Variants in ARHGEF2 observed in about 807,000 individuals in gnomAD.
The protein encoded by ARHGEF2 is Rho/Rac guanine nucleotide exchange factor 2, also known as rho guanine nucleotide exchange factor 2.
In ARHGEF2, 22 loss-of-function variants were observed where a neutral mutation model predicts 121.0. That is an observed-to-expected ratio of 0.18 (90% CI 0.13 to 0.26). The LOEUF is 0.26. Among genes scored for constraint, ARHGEF2 ranks in the 10% least tolerant of loss-of-function variants. The pLI, the probability that ARHGEF2 is intolerant of heterozygous loss-of-function variation, is 1.00. For missense variants in ARHGEF2, 907 were observed against 1,336.0 expected (o/e 0.68, Z 5.01); for synonymous variants, 487 against 530.0 (o/e 0.92, Z 1.11).
intron 1 of ARHGEF2, chr1:155,971,091 C>T: frequency 1.0e-6 from 1 of 986,196 alleles, no homozygotes; most frequent in Non-Finnish European, 1.2e-6. Context: ...TCCTCCCCTC[C>T]TCCTCACGCA....
At chr1:155,964,157 AAAAAAAAAAAATATATATAT>A (rs1678631363) in intron 7 of ARHGEF2, among the ~76,000 whole-genome samples, 1 of 74,882 alleles carries the variant, frequency 1.3e-5, no homozygotes, top group Non-Finnish European at 2.3e-5. Context: ...AAAAAAAAAA[AAAAAAAAAAAATATATATAT>A]ATATATATAT....
At position 155,962,900 on chromosome 1, in the gene ARHGEF2, T is replaced by G; in HGVS notation, c.975+33A>C. On this transcript the variant is annotated intron_variant, in intron 8 of 21. Coordinates refer to ENST00000361247, the MANE Select transcript of ARHGEF2 (RefSeq NM_001162383.2). The surrounding 1 kb of genome is among the most constrained non-coding windows in gnomAD (Gnocchi z 5.8). ...CCCAACCCAGTCACACCTCCTTCCA[T>G]GAATGTCACCCAGGGGTCCTGCCTT... is the stretch of plus-strand genomic sequence containing the variant. The G allele has an allele frequency of 1.9e-6, 3 of 1,612,542 alleles. No individual in the cohort carries two copies. The highest frequency in any genetic ancestry group is 1.1e-5 in the South Asian group (1 of 90,998).
chr1:155,963,558 C>T (rs1321606709), intron 7 of ARHGEF2, among the ~76,000 whole-genome samples: 3 of 151,658 alleles, frequency 2.0e-5, no homozygotes, highest in Non-Finnish European at 2.9e-5. Flanking sequence ...ATTGGTCAGG[C>T]TGGTCTCGAA....
intron 1 of ARHGEF2, among the ~76,000 whole-genome samples, chr1:155,976,745 A>T (rs1681369164): frequency 6.6e-6 from 1 of 150,576 alleles, no homozygotes; most frequent in Non-Finnish European, 1.5e-5. Flanking sequence ...CCAGGGTCTC[A>T]GCTCAAACGG....
intron 1 of ARHGEF2, chr1:155,972,432 T>G (rs1048777282): frequency 1.3e-5 from 5 of 385,708 alleles, no homozygotes; most frequent in South Asian, 9.0e-5. Flanking sequence ...TGGAAGGACA[T>G]AGGGCCTGCT....
In ARHGEF2 at chr1:155,951,608, G is replaced by C; in HGVS notation, c.2209-75C>G. 6.2e-7 allele frequency: 1 copy of C among 1,608,982 alleles called. No homozygotes were observed. On this transcript the variant is annotated intron_variant, in intron 18 of 21. Coordinates refer to ENST00000361247, the MANE Select transcript of ARHGEF2 (RefSeq NM_001162383.2). This position sits in a 1 kb window ranked among gnomAD's most constrained non-coding sequence, Gnocchi z 5.1. ...CTGCCCAAAAGTTGAACAAGGGTGG[G>C]TGTGGGGACAGTAGGATCCGGAGAC...
intron 7 of ARHGEF2, among the ~76,000 whole-genome samples, chr1:155,964,161 AAAAAAAATATATATAT>A (rs1406351417): frequency 3.7e-3 from 211 of 57,116 alleles, no homozygotes; most frequent in African/African-American, 0.015. Context: ...AAAAAAAAAA[AAAAAAAATATATATAT>A]ATATATATAT....
At chr1:155,966,712 G>A in intron 3 of ARHGEF2, 108 bp downstream of exon 3, 1 of 1,289,402 alleles carries the variant, frequency 7.8e-7, no homozygotes, top group South Asian at 1.2e-5. Flanking sequence ...CCCTTGGTGA[G>A]GAGGTGGGTG....
chr1:155,954,282 CT>C (rs544870775), intron 14 of ARHGEF2, among the ~76,000 whole-genome samples: 111 of 108,506 alleles, frequency 1.0e-3, no homozygotes, highest in African/African-American at 2.1e-3. Flanking sequence ...CAATCTACTT[CT>C]TTTTTTTTTT....
In ARHGEF2 at chr1:155,965,382, C is replaced by T. The variant is rs1481844676; in HGVS notation, c.501G>A (p.Leu167=). The T allele has an allele frequency of 1.9e-6, 3 of 1,614,222 alleles. No homozygotes were observed. The South Asian group carries it at 3.3e-5, about 18-fold the overall frequency. The part of the protein sequence containing the change: ...GHFNDESPLG[L]RRILSQSTDS... ...CTGTGGACTGTGAGAGGATCCGGCG[C>T]AGCCCCAGGGGAGACTCATCATTGA... is the stretch of plus-strand genomic sequence containing the variant. Residue 167 remains leucine, a synonymous_variant, in exon 6 of 22, where the codon CTG becomes CTA. Transcript: ENST00000361247. This position sits in a 1 kb window ranked among gnomAD's most constrained non-coding sequence, Gnocchi z 6.0.
chr1:155,969,643 T>C, intron 1 of ARHGEF2: 1 of 1,130,520 alleles, frequency 8.8e-7, no homozygotes, highest in Non-Finnish European at 1.1e-6. Flanking sequence ...CCCGAGCTGC[T>C]GTACTCTCTT....
In ARHGEF2 at chr1:155,965,427, G is replaced by A. The variant is rs1479216351; in HGVS notation, c.471-15C>T. On this transcript the variant is annotated splice_polypyrimidine_tract_variant and intron_variant, in intron 5 of 21. Transcript: ENST00000361247. The surrounding 1 kb of genome is among the most constrained non-coding windows in gnomAD (Gnocchi z 6.0). ...CATTGAAATGTCTGAAGAAAGTGGA[G>A]GCTGTCTGCATCACCCCCAGTCGGG... The A allele has an allele frequency of 1.9e-6, 3 of 1,612,156 alleles. No homozygotes were observed. Among genetic ancestry groups the A allele is most frequent in the Non-Finnish European group, 8.5e-7 (1 of 1,178,334 alleles).
At chr1:155,973,104 A>G (rs1043981297) in intron 1 of ARHGEF2, among the ~76,000 whole-genome samples, 1 of 152,160 alleles carries the variant, frequency 6.6e-6, no homozygotes, top group Non-Finnish European at 1.5e-5. Context: ...AATAAAGAAT[A>G]TGAAAGCCCT....
rs1419113746 is a variant in ARHGEF2, at chr1:155,961,222, T to C, written c.1468+439A>G. On this transcript the variant is annotated intron_variant, in intron 11 of 21. Coordinates refer to ENST00000361247, the MANE Select transcript of ARHGEF2 (RefSeq NM_001162383.2). This position sits in a 1 kb window ranked among gnomAD's most constrained non-coding sequence, Gnocchi z 4.7. Reference sequence around the variant, plus strand: ...TTTTCTGCCACAGAGATCCTATTTTTCTCTCCCACTGAGTCTCACTGTTGT... The same window carrying C: ...TTTTCTGCCACAGAGATCCTATTTTCCTCTCCCACTGAGTCTCACTGTTGT... 2.0e-5 allele frequency among the ~76,000 whole-genome samples: 3 copies of C among 152,120 alleles called. No homozygotes were observed. Among genetic ancestry groups the C allele is most frequent in the African/African-American group, 7.2e-5 (3 of 41,404 alleles).
In ARHGEF2 at chr1:155,961,788, G is replaced by T; in HGVS notation, c.1341C>A (p.Asn447Lys). Reference sequence around the variant, plus strand: ...GGGTTTGGGCCCGAGGGTCCATGCGGTTGTAGATCTCCTGCAGACGGGCCC... The same window carrying T: ...GGGTTTGGGCCCGAGGGTCCATGCGTTTGTAGATCTCCTGCAGACGGGCCC... Reference protein sequence around the residue: ...EKGARLQEIYNRMDPRAQTPV... With the variant: ...EKGARLQEIYKRMDPRAQTPV... The change falls in exon 11 of 22, where the codon AAC becomes AAA. Residue 447 changes from asparagine (N) to lysine (K), a missense_variant. Asn to Lys is a moderately conservative substitution (Grantham distance 94). This residue lies in a region of ARHGEF2 where 475 missense variants were observed against 776.5 expected (regional missense o/e 0.61). Coordinates refer to ENST00000361247, the MANE Select transcript of ARHGEF2 (RefSeq NM_001162383.2). This position sits in a 1 kb window ranked among gnomAD's most constrained non-coding sequence, Gnocchi z 4.7. The T allele has an allele frequency of 6.2e-7, 1 of 1,614,218 alleles. No homozygotes were observed. The highest frequency in any genetic ancestry group is 8.5e-7 in the Non-Finnish European group (1 of 1,180,040).
At chr1:155,978,695 G>C, upstream of ARHGEF2, 2 of 939,230 alleles carry the variant, frequency 2.1e-6, no homozygotes, top group South Asian at 8.3e-5. This position sits in a 1 kb window ranked among gnomAD's most constrained non-coding sequence, Gnocchi z 4.1. Context: ...GCTCGGAGAG[G>C]TACGAGGGTC....
At chr1:155,959,764 C>T (rs979962975) in intron 11 of ARHGEF2, among the ~76,000 whole-genome samples, 5 of 152,098 alleles carry the variant, frequency 3.3e-5, no homozygotes, top group African/African-American at 9.7e-5. Context: ...AGGCTGGTCT[C>T]GAATTCCGGA....
intron 15 of ARHGEF2, among the ~76,000 whole-genome samples, 184 bp downstream of exon 15, chr1:155,952,444 G>A (rs1675686954): frequency 6.6e-6 from 1 of 152,254 alleles, no homozygotes; most frequent in South Asian, 2.1e-4. Flanking sequence ...ATATGGAGCA[G>A]CAGCAAGGAC....
chr1:155,956,536 C>T (rs1263532113), intron 13 of ARHGEF2, among the ~76,000 whole-genome samples: 3 of 151,562 alleles, frequency 2.0e-5, no homozygotes, highest in Non-Finnish European at 4.4e-5. Flanking sequence ...TTATAAAAAT[C>T]TTGGCTGGGC....
Sources: gnomAD v4.1 joint callset for allele counts (sites outside exome capture counted in the v4.1 genomes callset) on GRCh38, gnomAD v4.1.1 for gene constraint, gnomAD v4.1.1 regional missense constraint, Gnocchi (gnomAD v3.1) non-coding constraint, MANE v1.5 for transcripts, NCBI Gene and HGNC (gene_info 2026-07-23, HGNC 2026-07-21) for gene names.